Variants in PDE1B observed in about 807,000 individuals in gnomAD.
PDE1B encodes the protein phosphodiesterase 1B, also known as dual specificity calcium/calmodulin-dependent 3',5'-cyclic nucleotide phosphodiesterase 1B.
In PDE1B, 13 loss-of-function variants were observed where a neutral mutation model predicts 66.7. That is an observed-to-expected ratio of 0.19 (90% CI 0.13 to 0.31). The LOEUF is 0.31. PDE1B is among the 10% of genes least tolerant of loss of function. The pLI is 1.00. For synonymous variants in PDE1B, 230 were observed against 253.9 expected (o/e 0.91, Z 0.90); for missense variants, 485 against 682.3 (o/e 0.71, Z 3.22).
chr12:54,551,844 G>C (rs1021927482), intron 2 of PDE1B, among the ~76,000 whole-genome samples: 2 of 152,210 alleles, frequency 1.3e-5, no homozygotes, highest in African/African-American at 2.4e-5. Flanking sequence ...GAGTGCCTTA[G>C]CTGAGATGTC....
intron 6 of PDE1B, 174 bp from the exon 7 acceptor site, chr12:54,572,427 G>A: frequency 1.5e-6 from 1 of 664,834 alleles, no homozygotes; most frequent in Non-Finnish European, 2.7e-6. Context: ...CTTACCCAAG[G>A]TTGCACAGCC....
intron 6 of PDE1B, chr12:54,572,173 C>G: frequency 1.2e-5 from 2 of 165,012 alleles, no homozygotes; most frequent in South Asian, 3.4e-4. Context: ...AGGTCATCTT[C>G]TTCATTCCCT....
chr12:54,574,998 G>GGACT, intron 10 of PDE1B, 100 bp from the exon 11 acceptor site: 1 of 723,738 alleles, frequency 1.4e-6, no homozygotes, highest in Non-Finnish European at 2.2e-6. Context: ...AAAAAAGGAA[G>GGACT]AAGTTATGTG....
chr12:54,577,028 G>A, intron 14 of PDE1B, 197 bp from the exon 15 acceptor site: 1 of 616,742 alleles, frequency 1.6e-6, no homozygotes, highest in Non-Finnish European at 2.8e-6. Flanking sequence ...TGTGTGAGGG[G>A]GTGGTAGGGT....
rs1486826533 is a variant in PDE1B, at chr12:54,572,702, C to T, written c.696C>T (p.Thr232=). The change falls in exon 7 of 16, where the codon ACC becomes ACT. Residue 232 remains threonine (T), a synonymous_variant. Coordinates refer to ENST00000243052, the MANE Select transcript of PDE1B (RefSeq NM_000924.4). ...YHNQIHAADV[T]QTVHCFLLRT... is the part of the protein sequence containing the mutation. ...ACCAGATCCACGCAGCCGATGTTAC[C>T]CAGACAGTCCATTGCTTCTTGCTCC... The T allele has an allele frequency of 1.9e-6, 3 of 1,614,170 alleles. No individual in the cohort carries two copies. Among genetic ancestry groups the T allele is most frequent in the Non-Finnish European group, 2.5e-6 (3 of 1,179,986 alleles).
chr12:54,565,163 A>G (rs932266450), intron 2 of PDE1B, among the ~76,000 whole-genome samples: 3 of 152,238 alleles, frequency 2.0e-5, no homozygotes, highest in African/African-American at 7.2e-5. Flanking sequence ...AACTGGAAGA[A>G]CTTTGATGAT....
At chr12:54,551,431 A>G (rs1221719990) in intron 2 of PDE1B, among the ~76,000 whole-genome samples, 1 of 152,210 alleles carries the variant, frequency 6.6e-6, no homozygotes, top group Non-Finnish European at 1.5e-5. Flanking sequence ...AGAAATGGAA[A>G]ACCAGATTGA....
chr12:54,553,975 A>T (rs530177008), intron 2 of PDE1B, among the ~76,000 whole-genome samples: 1 of 152,328 alleles, frequency 6.6e-6, no homozygotes, highest in African/African-American at 2.4e-5. Context: ...TATAAGTGGC[A>T]TGTGTAATAA....
intron 2 of PDE1B, chr12:54,550,327 T>G: frequency 1.1e-6 from 1 of 886,618 alleles, no homozygotes; most frequent in East Asian, 5.7e-5. Context: ...GACTCACACA[T>G]ATCCATGTGC....
At chr12:54,552,296 T>A (rs1327159727) in intron 2 of PDE1B, among the ~76,000 whole-genome samples, 1 of 152,090 alleles carries the variant, frequency 6.6e-6, no homozygotes, top group African/African-American at 2.4e-5. Flanking sequence ...TAAGTGGAAA[T>A]AAAGATCCCC....
In PDE1B at chr12:54,575,403, T is replaced by C; in HGVS notation, c.1186-148T>C. Reference sequence around the variant, plus strand: ...ACAATAGTTGCATTTCATTTGCATATATTTCATTTGCATATTACTAATTTC... The same window carrying C: ...ACAATAGTTGCATTTCATTTGCATACATTTCATTTGCATATTACTAATTTC... On this transcript the variant is annotated intron_variant, in intron 11 of 15. Transcript: ENST00000243052. This position sits in a 1 kb window ranked among gnomAD's most constrained non-coding sequence, Gnocchi z 4.0. 1.3e-6 allele frequency: 1 copy of C among 766,274 alleles called. No individual in the cohort carries two copies. 47.5% of individuals were successfully genotyped at this position (766,274 alleles called of 1,614,324 possible). A position where few individuals can be genotyped will look rare whatever the true frequency, so the allele number is the denominator to read the frequency against.
At chr12:54,566,015 G>C (rs1565697691) in intron 2 of PDE1B, among the ~76,000 whole-genome samples, 1 of 152,150 alleles carries the variant, frequency 6.6e-6, no homozygotes, top group Non-Finnish European at 1.5e-5. Flanking sequence ...GGCAGGGTGA[G>C]GGAAAGGAGA....
chr12:54,564,027 C>A (rs541752261), intron 2 of PDE1B, among the ~76,000 whole-genome samples: 1 of 152,114 alleles, frequency 6.6e-6, no homozygotes, highest in Non-Finnish European at 1.5e-5. Context: ...TCTGTTGAAC[C>A]AAACATGATC....
chr12:54,576,359 T>C (rs1200146356), intron 13 of PDE1B: 10 of 627,218 alleles, frequency 1.6e-5, no homozygotes, highest in Non-Finnish European at 2.8e-5. Context: ...TTGTTTTAAT[T>C]TTCCTTCTAC....
At chr12:54,554,389 T>C (rs565325308) in intron 2 of PDE1B, 1 of 152,280 alleles carries the variant, frequency 6.6e-6, no homozygotes, top group African/African-American at 2.4e-5. Context: ...TGGGGACAGT[T>C]TTTTAGTGCT....
At chr12:54,561,622 A>C in intron 2 of PDE1B, 1 of 1,533,140 alleles carries the variant, frequency 6.5e-7, no homozygotes, top group Non-Finnish European at 8.7e-7. Flanking sequence ...AGCCACCTCC[A>C]GGGCCCCATT....
rs765885379 is a variant in PDE1B at position 54,577,281 on chromosome 12, C to A, written c.1564C>A (p.Pro522Thr). The A allele has an allele frequency of 6.2e-7, 1 of 1,613,994 alleles. No homozygotes were observed. The highest frequency in any genetic ancestry group is 1.7e-5 in the Admixed American group (1 of 60,008). The stretch of plus-strand genomic sequence containing the variant: ...GTCCCCCTGTGAAGAAGAGGCCCCC[C>A]CATCCCCTGCCGAAGATGAACACAA... ...ELSPCEEEAP[P>T]SPAEDEHNQN... The change falls in exon 15 of 16, where the codon CCA (proline) becomes ACA (threonine). Residue 522 changes from proline to threonine, a missense_variant. By Grantham distance (38) the Pro-to-Thr change is conservative (BLOSUM62 -1). Around this residue, in one of 4 missense-constraint regions of PDE1B, gnomAD observed 126 missense variants for 133.8 expected, o/e 0.94. Coordinates refer to ENST00000243052, the MANE Select transcript of PDE1B (RefSeq NM_000924.4).
Position 54,572,692 on chromosome 12 carries a change from C to G in PDE1B, c.686C>G (p.Ala229Gly). The G allele has an allele frequency of 3.1e-6, 5 of 1,614,088 alleles. No homozygotes were observed. Among genetic ancestry groups the G allele is most frequent in the Non-Finnish European group, 3.4e-6 (4 of 1,179,888 alleles). ...KNPYHNQIHA[A>G]DVTQTVHCFL... ...CCTTACCACAACCAGATCCACGCAG[C>G]CGATGTTACCCAGACAGTCCATTGC... The change falls in exon 7 of 16, where the codon GCC becomes GGC. Residue 229 changes from alanine to glycine, a missense_variant. By Grantham distance (60) the Ala-to-Gly change is moderately conservative. Transcript: ENST00000243052.
intron 2 of PDE1B, among the ~76,000 whole-genome samples, chr12:54,553,353 C>T (rs1266571231): frequency 5.9e-5 from 9 of 152,230 alleles, no homozygotes; most frequent in Non-Finnish European, 1.5e-5. Context: ...GAACTTCCCC[C>T]TTCCTTTGGG....
Sources: gnomAD v4.1 joint callset for allele counts (sites outside exome capture counted in the v4.1 genomes callset) on GRCh38, gnomAD v4.1.1 for gene constraint, gnomAD v4.1.1 regional missense constraint, Gnocchi (gnomAD v3.1) non-coding constraint, MANE v1.5 for transcripts, NCBI Gene and HGNC (gene_info 2026-07-23, HGNC 2026-07-21) for gene names.